TMEM131L: variants seen among roughly 807,000 people sequenced by gnomAD.
TMEM131L encodes the protein transmembrane 131 like.
In TMEM131L, 54 loss-of-function variants were observed where a neutral mutation model predicts 192.2. The observed-to-expected ratio is 0.28, with a 90% CI of 0.23 to 0.35. The LOEUF is 0.35. Ranked by LOEUF, TMEM131L falls within the 10% of genes least tolerant of loss-of-function variation. TMEM131L has a pLI of 1.00. For missense variants in TMEM131L, 1,888 were observed against 1,972.9 expected (o/e 0.96, Z 0.82); for synonymous variants, 701 against 704.9 (o/e 0.99, Z 0.09).
chr4:153,632,619 C>G, intron 31 of TMEM131L, 99 bp from the exon 32 acceptor site: 2 of 1,374,454 alleles, frequency 1.5e-6, no homozygotes, highest in African/African-American at 2.8e-5. Context: ...GTGTGGGTGA[C>G]ATTAGGGAGT....
At chr4:153,521,517 G>T (rs545534500) in intron 3 of TMEM131L, among the ~76,000 whole-genome samples, 3 of 152,232 alleles carry the variant, frequency 2.0e-5, no homozygotes, top group East Asian at 1.9e-4. Flanking sequence ...TTAAATTGGG[G>T]TACAATAGAC....
At chr4:153,617,623 A>G (rs1174640336) in intron 26 of TMEM131L, among the ~76,000 whole-genome samples, 1 of 152,238 alleles carries the variant, frequency 6.6e-6, no homozygotes, top group Non-Finnish European at 1.5e-5. Context: ...AAATGCTACC[A>G]CTGAAAAGAA....
chr4:153,564,287 C>CAAAAAAAAAAAA (rs1178320668), intron 7 of TMEM131L, among the ~76,000 whole-genome samples: 3 of 17,652 alleles, frequency 1.7e-4, no homozygotes, highest in African/African-American at 4.1e-4. Flanking sequence ...AACTCCGTCT[C>CAAAAAAAAAAAA]AAAAAAAAAA....
Position 153,497,826 on chromosome 4 carries a change from A to G in TMEM131L, c.239+23938A>G, listed in dbSNP as rs1381677728. Among the ~76,000 whole-genome samples, 4 of 148,892 alleles carry G rather than the reference A, an allele frequency of 2.7e-5. No individual in the cohort carries two copies. The East Asian group carries it at 5.9e-4, about 22-fold the overall frequency. On this transcript the variant is annotated intron_variant, in intron 3 of 34. Coordinates refer to ENST00000409959, the MANE Select transcript of TMEM131L (RefSeq NM_001131007.2). ...ATTATTTCATCTGTGTTTGTGTAAC[A>G]TGTATCTCACAATGCAGAAATCTTT... is the stretch of plus-strand genomic sequence containing the variant.
At chr4:153,473,435 G>A (rs1731295737) in intron 2 of TMEM131L, among the ~76,000 whole-genome samples, 1 of 152,180 alleles carries the variant, frequency 6.6e-6, no homozygotes, top group Admixed American at 6.5e-5. Flanking sequence ...TGGGTTTCCC[G>A]TGAGTGGGTA....
intron 1 of TMEM131L, among the ~76,000 whole-genome samples, chr4:153,466,938 G>A (rs1466905824): frequency 6.6e-6 from 1 of 152,160 alleles, no homozygotes; most frequent in Non-Finnish European, 1.5e-5. Flanking sequence ...AGTGCCTCGT[G>A]GGGTGTCTTC....
chr4:153,483,177 A>T (rs1255962651), intron 3 of TMEM131L, among the ~76,000 whole-genome samples: 1 of 152,248 alleles, frequency 6.6e-6, no homozygotes, highest in African/African-American at 2.4e-5. Flanking sequence ...GTAGTGATGC[A>T]GTTCCAGAAA....
At chr4:153,612,813 A>C (rs1308197502) in intron 26 of TMEM131L, among the ~76,000 whole-genome samples, 1 of 152,170 alleles carries the variant, frequency 6.6e-6, no homozygotes, top group Non-Finnish European at 1.5e-5. Flanking sequence ...AAAAGGATTC[A>C]TGATATAATA....
In TMEM131L at chr4:153,586,247, C is replaced by A; in HGVS notation, c.1350C>A (p.Gly450=). ...NFTGPLFLPP[G]CWNIFSLKLA... ...CTGGCCCTTTATTTCTACCTCCAGG[C>A]TGTTGGAATATATTTTCTTTGAAAC... Residue 450 remains glycine (G), a synonymous_variant, in exon 14 of 35, where the codon GGC becomes GGA. Transcript: ENST00000409959. The A allele has an allele frequency of 6.3e-7, 1 of 1,590,148 alleles. No individual in the cohort carries two copies. The highest frequency in any genetic ancestry group is 8.5e-7 in the Non-Finnish European group (1 of 1,171,768).
At chr4:153,620,372 C>T (rs1166876519) in intron 26 of TMEM131L, among the ~76,000 whole-genome samples, 2 of 152,100 alleles carry the variant, frequency 1.3e-5, no homozygotes, top group Non-Finnish European at 2.9e-5. Flanking sequence ...ACAACTTGAT[C>T]CTAAGTTGAG....
At chr4:153,566,159 A>G (rs1016581086) in intron 7 of TMEM131L, among the ~76,000 whole-genome samples, 2 of 151,404 alleles carry the variant, frequency 1.3e-5, no homozygotes, top group African/African-American at 2.4e-5. Flanking sequence ...TTTTGAGACA[A>G]GAGTCTCACT....
At chr4:153,634,569 A>G (rs1034316803) in intron 33 of TMEM131L, among the ~76,000 whole-genome samples, 1 of 152,152 alleles carries the variant, frequency 6.6e-6, no homozygotes, top group African/African-American at 2.4e-5. Flanking sequence ...ATCCATGTAG[A>G]TGTAACATTG....
chr4:153,591,555 C>T (rs1289662415), intron 17 of TMEM131L, among the ~76,000 whole-genome samples: 1 of 152,206 alleles, frequency 6.6e-6, no homozygotes, highest in Non-Finnish European at 1.5e-5. Context: ...GCTCCCCTCC[C>T]TGTCTACTGT....
intron 3 of TMEM131L, among the ~76,000 whole-genome samples, chr4:153,524,541 T>C (rs1735345043): frequency 6.6e-6 from 1 of 152,224 alleles, no homozygotes; most frequent in South Asian, 2.1e-4. Flanking sequence ...GAAGACAGTT[T>C]ATACAATAAT....
Position 153,581,406 on chromosome 4 carries a change from G to T in TMEM131L, c.739-1G>T. 2 of 1,545,604 alleles carry T rather than the reference G, an allele frequency of 1.3e-6. No individual in the cohort carries two copies. The highest frequency in any genetic ancestry group is 1.2e-5 in the South Asian group (1 of 81,172). ...TTTTTTCCTCCTCCTTCCAACCATA[G>T]GGTTGTTATCTGGAATCTGATGATG... On this transcript the variant is annotated splice_acceptor_variant, in intron 8 of 34. Coordinates refer to ENST00000409959, the MANE Select transcript of TMEM131L (RefSeq NM_001131007.2). LOFTEE classifies it high-confidence loss of function.
At chr4:153,618,118 C>T (rs1317236736) in intron 26 of TMEM131L, among the ~76,000 whole-genome samples, 1 of 152,098 alleles carries the variant, frequency 6.6e-6, no homozygotes, top group Non-Finnish European at 1.5e-5. Flanking sequence ...TGTGATTTCT[C>T]TTCTTTGATT....
intron 3 of TMEM131L, among the ~76,000 whole-genome samples, chr4:153,491,110 A>C (rs1259434857): frequency 1.3e-5 from 2 of 152,152 alleles, no homozygotes; most frequent in Non-Finnish European, 2.9e-5. Flanking sequence ...CACAGATATC[A>C]AGTAACCTGA....
At chr4:153,496,838 C>T (rs1733206595) in intron 3 of TMEM131L, among the ~76,000 whole-genome samples, 1 of 151,192 alleles carries the variant, frequency 6.6e-6, no homozygotes, top group African/African-American at 2.4e-5. Flanking sequence ...AGGTGTGAGC[C>T]ACTGTACTTG....
intron 21 of TMEM131L, among the ~76,000 whole-genome samples, chr4:153,599,257 A>G (rs1321931035): frequency 6.6e-6 from 1 of 152,208 alleles, no homozygotes; most frequent in East Asian, 1.9e-4. Flanking sequence ...ACGACAACTC[A>G]CTATCACAGT....
Sources: gnomAD v4.1 joint callset for allele counts (sites outside exome capture counted in the v4.1 genomes callset) on GRCh38, gnomAD v4.1.1 for gene constraint, MANE v1.5 for transcripts, NCBI Gene and HGNC (gene_info 2026-07-23, HGNC 2026-07-21) for gene names.